Variants in CHST8 observed in about 807,000 individuals in gnomAD.
CHST8 encodes carbohydrate sulfotransferase 8, also known as GALNAC-4-ST1.
CHST8 carries 10 observed loss-of-function variants against 15.0 expected under a neutral mutation model. The ratio of observed to expected loss-of-function variants is 0.67; its 90% CI spans 0.41 to 1.13. The LOEUF (loss-of-function observed/expected upper bound fraction) is 1.13. Ranked by LOEUF, CHST8 falls within the 50% of genes most tolerant of loss-of-function variation. The pLI is 0.00. For missense variants in CHST8, 634 were observed against 608.2 expected (o/e 1.04, Z -0.45); for synonymous variants, 259 against 256.6 (o/e 1.01, Z -0.09).
chr19:33,673,124 C>T (rs546824354), intron 2 of CHST8, among the ~76,000 whole-genome samples: 1 of 152,240 alleles, frequency 6.6e-6, no homozygotes, highest in East Asian at 1.9e-4. Context: ...GGTCCGTGGG[C>T]GAGGTGAGCT....
intron 3 of CHST8, among the ~76,000 whole-genome samples, chr19:33,757,603 A>G (rs1156357905): frequency 2.1e-5 from 3 of 146,166 alleles, no homozygotes; most frequent in African/African-American, 7.6e-5. Flanking sequence ...AAAGAAAGAA[A>G]GAGCCGGCCA....
intron 1 of CHST8, among the ~76,000 whole-genome samples, chr19:33,650,438 T>C (rs532842955): frequency 1.3e-5 from 2 of 151,708 alleles, no homozygotes; most frequent in Non-Finnish European, 2.9e-5. Flanking sequence ...TTTTAAATTA[T>C]CAAGTTGGAA....
At chr19:33,627,109 C>CGGGGGGGGG (rs1972065252) in intron 1 of CHST8, among the ~76,000 whole-genome samples, 1 of 28,596 alleles carries the variant, frequency 3.5e-5, no homozygotes, top group Non-Finnish European at 8.5e-5. Context: ...GGGGGGGGGG[C>CGGGGGGGGG]GGGTGGGGTG....
At chr19:33,634,264 T>C (rs1231586756) in intron 1 of CHST8, among the ~76,000 whole-genome samples, 1 of 152,272 alleles carries the variant, frequency 6.6e-6, no homozygotes, top group Non-Finnish European at 1.5e-5. Context: ...TTAGCCATTC[T>C]ATGAGTATGC....
intron 3 of CHST8, among the ~76,000 whole-genome samples, chr19:33,709,956 A>C (rs567138425): frequency 6.6e-6 from 1 of 152,124 alleles, no homozygotes; most frequent in East Asian, 1.9e-4. Flanking sequence ...CTACAGGTTC[A>C]TGCCACTACA....
intron 2 of CHST8, chr19:33,685,100 G>A (rs1394030652): frequency 6.6e-6 from 1 of 152,180 alleles, no homozygotes; most frequent in African/African-American, 2.4e-5. Context: ...GAATCCTCTG[G>A]GCAGCTGAGG....
intron 2 of CHST8, among the ~76,000 whole-genome samples, chr19:33,682,224 G>A (rs528941228): frequency 4.7e-5 from 6 of 128,158 alleles, no homozygotes; most frequent in African/African-American, 1.8e-4. Context: ...ACAGAGTCTC[G>A]CTCTGTTGCC....
chr19:33,766,033 C>T (rs1038594814), intron 3 of CHST8, among the ~76,000 whole-genome samples: 1 of 152,114 alleles, frequency 6.6e-6, no homozygotes, highest in Non-Finnish European at 1.5e-5. Flanking sequence ...CAAGCTGCGG[C>T]ACCAGGTCTT....
At chr19:33,717,997 C>G (rs1274420607) in intron 3 of CHST8, among the ~76,000 whole-genome samples, 1 of 152,140 alleles carries the variant, frequency 6.6e-6, no homozygotes, top group African/African-American at 2.4e-5. Flanking sequence ...AGTCTCCATC[C>G]TGGCAGAAGA....
At chr19:33,669,297 G>A (rs897483901) in intron 2 of CHST8, among the ~76,000 whole-genome samples, 5 of 152,134 alleles carry the variant, frequency 3.3e-5, no homozygotes, top group Admixed American at 2.0e-4. Context: ...TAGGACTCTC[G>A]TTTTTGTTTT....
intron 3 of CHST8, among the ~76,000 whole-genome samples, chr19:33,728,300 C>G (rs1331449956): frequency 6.6e-6 from 1 of 152,216 alleles, no homozygotes; most frequent in Non-Finnish European, 1.5e-5. Flanking sequence ...CATCTATGTC[C>G]TTGATGTGGA....
intron 3 of CHST8, among the ~76,000 whole-genome samples, chr19:33,743,089 C>T (rs1319654084): frequency 1.3e-5 from 2 of 152,190 alleles, no homozygotes; most frequent in Middle Eastern, 3.4e-3. Context: ...TCATTGAAGA[C>T]ACTACAGAGA....
intron 2 of CHST8, chr19:33,684,753 C>G (rs1019436438): frequency 6.6e-6 from 1 of 152,114 alleles, no homozygotes; most frequent in Non-Finnish European, 1.5e-5. Context: ...GATGAGTTCC[C>G]GAGGCCAGGA....
At chr19:33,669,446 G>A (rs999213190) in intron 2 of CHST8, among the ~76,000 whole-genome samples, 7 of 152,134 alleles carry the variant, frequency 4.6e-5, no homozygotes, top group African/African-American at 1.7e-4. Context: ...AACCACTCTC[G>A]TGCCTTAAAT....
intron 3 of CHST8, 145 bp downstream of exon 3, chr19:33,689,536 C>T (rs985679137): frequency 2.5e-5 from 24 of 957,936 alleles, no homozygotes; most frequent in Non-Finnish European, 3.2e-5. Flanking sequence ...TCCTGGCTTC[C>T]CGGGGAAGGC....
Position 33,772,008 on chromosome 19 carries a change from A to T in CHST8, c.220A>T (p.Arg74Trp). The change falls in exon 5 of 5, where the codon AGG (arginine) becomes TGG (tryptophan). Residue 74 changes from arginine (R) to tryptophan (W), a missense_variant. Arg to Trp is a moderately radical substitution (Grantham distance 101). Coordinates refer to ENST00000650847, the MANE Select transcript of CHST8 (RefSeq NM_001127895.2). ...TGGTGACTTGAAGGAACCCACAGAG[A>T]GGGTCACTCGGGACTTATCCAGTGG... Reference protein sequence around the residue: ...QDGDLKEPTERVTRDLSSGAP... With the variant: ...QDGDLKEPTEWVTRDLSSGAP... 1 of 1,602,654 alleles carries T rather than the reference A, an allele frequency of 6.2e-7. No individual in the cohort carries two copies. The highest frequency in any genetic ancestry group is 8.5e-7 in the Non-Finnish European group (1 of 1,176,168).
At chr19:33,660,839 G>A (rs1972576486) in intron 1 of CHST8, among the ~76,000 whole-genome samples, 1 of 152,202 alleles carries the variant, frequency 6.6e-6, no homozygotes, top group Admixed American at 6.5e-5. Flanking sequence ...GCTTCACAAG[G>A]AGCAGTACTG....
chr19:33,746,158 A>T (rs1461635314), intron 3 of CHST8, among the ~76,000 whole-genome samples: 1 of 152,244 alleles, frequency 6.6e-6, no homozygotes, highest in Non-Finnish European at 1.5e-5. Flanking sequence ...AAACTAAAAT[A>T]GCATTTTTTT....
chr19:33,733,085 TCTGGTGAC>T (rs1974022603), intron 3 of CHST8, among the ~76,000 whole-genome samples: 1 of 152,196 alleles, frequency 6.6e-6, no homozygotes. Context: ...GGTTGGTCTT[TCTGGTGAC>T]CAGCTCCTAT....
Sources: gnomAD v4.1 joint callset for allele counts (sites outside exome capture counted in the v4.1 genomes callset) on GRCh38, gnomAD v4.1.1 for gene constraint, MANE v1.5 for transcripts, NCBI Gene and HGNC (gene_info 2026-07-23, HGNC 2026-07-21) for gene names.